Variants in ECE1 observed in about 807,000 individuals in gnomAD.
ECE1 encodes the protein endothelin-converting enzyme 1.
A neutral mutation model predicts 98.6 loss-of-function variants in ECE1; 35 were observed. The ratio of observed to expected loss-of-function variants is 0.35; its 90% CI spans 0.27 to 0.47. The LOEUF is 0.47. Among genes scored for constraint, ECE1 ranks in the 20% least tolerant of loss-of-function variants. ECE1 has a pLI of 1.00. For missense variants in ECE1, 814 were observed against 1,025.3 expected (o/e 0.79, Z 2.81); for synonymous variants, 394 against 407.1 (o/e 0.97, Z 0.39).
chr1:21,322,388 A>G lies in ECE1; in HGVS notation c.3+22988T>C, dbSNP rs1384063306. On this transcript the variant is annotated intron_variant, in intron 1 of 18. Coordinates refer to the ECE1 transcript ENST00000415912. This position sits in a 1 kb window ranked among gnomAD's most constrained non-coding sequence, Gnocchi z 4.1. ...CCTTGTGGAGGACTTGGTAGCCCTT[A>G]GCCCAGCAGACGCCCAGGCAGCCTG... Among the ~76,000 whole-genome samples the G allele has an allele frequency of 6.6e-6, 1 of 152,214 alleles. No homozygotes were observed. The highest frequency in any genetic ancestry group is 2.4e-5 in the African/African-American group (1 of 41,466).
intron 1 of ECE1, among the ~76,000 whole-genome samples, chr1:21,328,243 G>A (rs4654917): frequency 0.06 from 9,171 of 152,264 alleles, 281 homozygotes; most frequent in Middle Eastern, 0.088. Flanking sequence ...CCTCAGGGAT[G>A]TCTTCCCTGC....
intron 1 of ECE1, among the ~76,000 whole-genome samples, chr1:21,333,043 T>A (rs1639236550): frequency 6.6e-6 from 1 of 152,178 alleles, no homozygotes; most frequent in South Asian, 2.1e-4. Context: ...TTATCCTCAC[T>A]TCACAGATGG....
chr1:21,301,048 G>A (rs913435419), intron 1 of ECE1, among the ~76,000 whole-genome samples: 5 of 138,124 alleles, frequency 3.6e-5, no homozygotes, highest in African/African-American at 1.4e-4. Context: ...TCCTGACCCA[G>A]TGTAGACAAA....
In ECE1 at chr1:21,320,761, C is replaced by T. The variant is rs113158661; in HGVS notation, c.3+24615G>A. Among the ~76,000 whole-genome samples, 30 of 152,354 alleles carry T rather than the reference C, an allele frequency of 2.0e-4. 1 individual carries two copies. The highest frequency in any genetic ancestry group is 7.0e-4 in the African/African-American group (29 of 41,582). The stretch of plus-strand genomic sequence containing the variant: ...GCAGCCTCATCTCTGTGTCTTTCTT[C>T]CCCACCCTTCCTTCATTCTGCGGAG... On this transcript the variant is annotated intron_variant, in intron 1 of 18. Transcript: ENST00000415912.
chr1:21,342,233 G>A (rs564426687), intron 1 of ECE1, among the ~76,000 whole-genome samples: 4 of 152,290 alleles, frequency 2.6e-5, no homozygotes, highest in African/African-American at 9.6e-5. Context: ...CACAGCTGCA[G>A]ATGGGGGATG....
At chr1:21,229,023 A>T (rs1050130858) in intron 14 of ECE1, among the ~76,000 whole-genome samples, 17 of 151,454 alleles carry the variant, frequency 1.1e-4, no homozygotes, top group Non-Finnish European at 2.4e-4. Flanking sequence ...TTGTATTTTT[A>T]GTAGAGATGG....
chr1:21,340,048 G>A lies in ECE1; in HGVS notation c.3+5328C>T, dbSNP rs958900711. On this transcript the variant is annotated intron_variant, in intron 1 of 18. Transcript: ENST00000415912. This position sits in a 1 kb window ranked among gnomAD's most constrained non-coding sequence, Gnocchi z 4.6. ...ATTTTTTATGTGTCCAAAACTTGGC[G>A]TCTAGGAAGCATTCCACCAAGTGTT... Among the ~76,000 whole-genome samples, 4 of 152,184 alleles carry A rather than the reference G, an allele frequency of 2.6e-5. No homozygotes were observed. Among genetic ancestry groups the A allele is most frequent in the Admixed American group, 1.3e-4 (2 of 15,272 alleles).
Position 21,225,420 on chromosome 1 carries a change from C to T in ECE1, c.1870G>A (p.Gly624Arg), listed in dbSNP as rs894874834. The change falls in exon 17 of 19, where the codon GGG becomes AGG. Residue 624 changes from glycine to arginine, a missense_variant. Coordinates refer to ENST00000374893, the MANE Select transcript of ECE1 (RefSeq NM_001397.3). This position sits in a 1 kb window ranked among gnomAD's most constrained non-coding sequence, Gnocchi z 5.3. ...DDQGREYDKD[G>R]NLRPWWKNSS... ...TTCTTCCACCATGGCCGGAGGTTCC[C>T]GTCCTTGTCATACTCCCGTCCTGTG... 6.2e-7 allele frequency: 1 copy of T among 1,614,148 alleles called. No individual in the cohort carries two copies. The highest frequency in any genetic ancestry group is 8.5e-7 in the Non-Finnish European group (1 of 1,180,022).
rs977152553 is a variant in ECE1, at chr1:21,220,740, G to A, written c.2137-609C>T. On this transcript the variant is annotated intron_variant, in intron 18 of 18. Coordinates refer to ENST00000374893, the MANE Select transcript of ECE1 (RefSeq NM_001397.3). This position sits in a 1 kb window ranked among gnomAD's most constrained non-coding sequence, Gnocchi z 5.0. ...GAACCCGGGAGGTTGAGGTTGCAGT[G>A]AGCCAAGATCACACCATTGCACTCC... is the stretch of plus-strand genomic sequence containing the variant. Among the ~76,000 whole-genome samples, 1 of 152,150 alleles carries A rather than the reference G, an allele frequency of 6.6e-6. No individual in the cohort carries two copies. Among genetic ancestry groups the A allele is most frequent in the Non-Finnish European group, 1.5e-5 (1 of 68,028 alleles).
intron 2 of ECE1, among the ~76,000 whole-genome samples, chr1:21,280,673 CCCA>C (rs2103341576): frequency 6.6e-6 from 1 of 152,264 alleles, no homozygotes; most frequent in Admixed American, 6.5e-5. Context: ...CTGCAACGGC[CCCA>C]CCAACAGCCT....
rs2098222223 is a variant in ECE1, at chr1:21,258,104, A to G, written c.763-514T>C. Among the ~76,000 whole-genome samples, 1 of 152,210 alleles carries G rather than the reference A, an allele frequency of 6.6e-6. No individual in the cohort carries two copies. On this transcript the variant is annotated intron_variant, in intron 6 of 18. Transcript: ENST00000374893. The surrounding 1 kb of genome is among the most constrained non-coding windows in gnomAD (Gnocchi z 4.2). ...TGCTACTATTGGCACCCATGGCCAC[A>G]TCTTGGCATACCTAGGACAGGTGTT...
Position 21,235,400 on chromosome 1 carries a change from A to C in ECE1, c.1566+450T>G, listed in dbSNP as rs567363804. 1.4e-4 allele frequency among the ~76,000 whole-genome samples: 22 copies of C among 152,182 alleles called. No individual in the cohort carries two copies. In the South Asian group the frequency reaches 4.6e-3, roughly 32 times the overall value. ...GTCCGGGTTTCTGGGGAGGTGGAGG[A>C]GGGCCGCAGGGACAGGAGGTAACTG... On this transcript the variant is annotated intron_variant, in intron 13 of 18. Coordinates refer to ENST00000374893, the MANE Select transcript of ECE1 (RefSeq NM_001397.3). This position sits in a 1 kb window ranked among gnomAD's most constrained non-coding sequence, Gnocchi z 4.2.
At chr1:21,230,911 G>A (rs556706492) in intron 14 of ECE1, among the ~76,000 whole-genome samples, 3 of 152,000 alleles carry the variant, frequency 2.0e-5, no homozygotes, top group Admixed American at 6.6e-5. Flanking sequence ...CACCCGCAAC[G>A]TCTGCTTCCC....
intron 3 of ECE1, 95 bp downstream of exon 3, chr1:21,279,096 T>C: frequency 6.2e-7 from 1 of 1,605,074 alleles, no homozygotes; most frequent in Non-Finnish European, 8.5e-7. Flanking sequence ...CTCAGAGCCC[T>C]GCCCCGGCTT....
At chr1:21,227,814 A>T in intron 15 of ECE1, 117 bp downstream of exon 15, 1 of 795,628 alleles carries the variant, frequency 1.3e-6, no homozygotes, top group Non-Finnish European at 2.0e-6. Context: ...CATCTCTGAC[A>T]TCTGCAACCT....
chr1:21,302,819 C>A (rs963051101), intron 1 of ECE1, among the ~76,000 whole-genome samples: 8 of 152,310 alleles, frequency 5.3e-5, no homozygotes, highest in African/African-American at 1.9e-4. Context: ...ATTCCCCTCC[C>A]GTACCTTCCC....
At chr1:21,243,680 AG>A (rs2098199517) in intron 10 of ECE1, among the ~76,000 whole-genome samples, 1 of 152,256 alleles carries the variant, frequency 6.6e-6, no homozygotes, top group African/African-American at 2.4e-5. Context: ...ATCTCTCTGT[AG>A]GAAGTCCCCT....
At chr1:21,343,241 A>T (rs1639437287) in intron 1 of ECE1, among the ~76,000 whole-genome samples, 1 of 152,146 alleles carries the variant, frequency 6.6e-6, no homozygotes, top group African/African-American at 2.4e-5. Context: ...CTCCCATAAC[A>T]CTGTTTATTC....
intron 8 of ECE1, 105 bp from the exon 9 acceptor site, chr1:21,247,468 G>A: frequency 6.4e-7 from 1 of 1,560,864 alleles, no homozygotes; most frequent in Non-Finnish European, 8.8e-7. Flanking sequence ...CTTGGGCTTG[G>A]CGCCATCTGA....
Sources: allele counts gnomAD v4.1 joint callset (sites outside exome capture counted in the v4.1 genomes callset), GRCh38; gene constraint gnomAD v4.1.1; non-coding constraint Gnocchi (gnomAD v3.1); transcripts MANE v1.5; gene names NCBI Gene and HGNC (gene_info 2026-07-23, HGNC 2026-07-21).